DEPTOR: variants seen among roughly 807,000 people sequenced by gnomAD.
DEPTOR encodes DEP domain containing MTOR interacting protein.
A neutral mutation model predicts 41.6 loss-of-function variants in DEPTOR; 41 were observed. That is an observed-to-expected ratio of 0.98 (90% CI 0.77 to 1.28). DEPTOR has a LOEUF of 1.28. DEPTOR is among the 50% of genes most tolerant of loss of function. DEPTOR has a pLI of 0.00. For missense variants in DEPTOR, 514 were observed against 527.9 expected, an observed-to-expected ratio of 0.97 and a Z score of 0.26; for synonymous variants, 195 against 192.3, an observed-to-expected ratio of 1.01 and a Z score of -0.12.
In DEPTOR at chr8:119,880,762, A is replaced by G. The variant is rs149656935; in HGVS notation, c.122+6794A>G. On this transcript the variant is annotated intron_variant, in intron 1 of 8. Transcript: ENST00000286234. Reference sequence around the variant, plus strand: ...TGAATTTGGACTCCACTGATTCAGAATTTGTAACCATTTTAATGGGAAGAT... The same window carrying G: ...TGAATTTGGACTCCACTGATTCAGAGTTTGTAACCATTTTAATGGGAAGAT... Among the ~76,000 whole-genome samples, 3 of 152,356 alleles carry G rather than the reference A, an allele frequency of 2.0e-5. No homozygotes were observed. The East Asian group carries it at 5.8e-4, about 29-fold the overall frequency.
At chr8:119,878,423 G>T (rs186804290) in intron 1 of DEPTOR, among the ~76,000 whole-genome samples, 3 of 151,658 alleles carry the variant, frequency 2.0e-5, no homozygotes, top group African/African-American at 7.3e-5. Context: ...AGGTTCAAGC[G>T]ATTCTCCTGC....
Position 119,980,498 on chromosome 8 carries a change from CT to C in DEPTOR, c.604+15092del, listed in dbSNP as rs1159631376. On this transcript the variant is annotated intron_variant, in intron 4 of 8. Transcript: ENST00000286234. ...CTTTTCTTTTCTTTTCTTTTCTTTT[CT>C]TTTCTTTTCTTTTCTCTCTTTGTGT... Among the ~76,000 whole-genome samples the C allele has an allele frequency of 9.3e-5, 12 of 128,662 alleles. No individual in the cohort carries two copies. In the South Asian group the frequency reaches 2.3e-3, roughly 24 times the overall value. The allele number at this position is 128,662 out of a possible 152,430, so 84.4% of individuals were successfully genotyped here. A position where few individuals can be genotyped will look rare whatever the true frequency, so the allele number is the denominator to read the frequency against.
At chr8:119,970,622 A>G (rs942694474) in intron 4 of DEPTOR, among the ~76,000 whole-genome samples, 4 of 152,222 alleles carry the variant, frequency 2.6e-5, no homozygotes, top group Non-Finnish European at 5.9e-5. Flanking sequence ...TTAGAGTTAC[A>G]TAATAGACCT....
intron 1 of DEPTOR, among the ~76,000 whole-genome samples, chr8:119,904,794 C>T (rs549389556): frequency 2.0e-5 from 3 of 151,606 alleles, no homozygotes; most frequent in East Asian, 2.0e-4. Context: ...TTTTGCACCC[C>T]GCCTTTATTT....
intron 1 of DEPTOR, among the ~76,000 whole-genome samples, chr8:119,875,515 A>C (rs1206294062): frequency 1.3e-5 from 2 of 152,216 alleles, no homozygotes; most frequent in Non-Finnish European, 1.5e-5. Flanking sequence ...GTAGAAGGTC[A>C]TCAATATATT....
intron 1 of DEPTOR, among the ~76,000 whole-genome samples, chr8:119,912,839 G>C (rs1437308198): frequency 6.6e-6 from 1 of 152,216 alleles, no homozygotes; most frequent in Non-Finnish European, 1.5e-5. Context: ...TTTTGATCTT[G>C]TGTGTGAGGA....
chr8:120,047,273 C>T (rs113977269), intron 8 of DEPTOR, among the ~76,000 whole-genome samples: 57,481 of 151,948 alleles, frequency 0.38, 11,288 homozygotes, highest in African/African-American at 0.41. Context: ...CTGCCCGCTT[C>T]GGCCTCCCAA....
chr8:119,907,823 T>C (rs530836310), intron 1 of DEPTOR, among the ~76,000 whole-genome samples: 1 of 152,158 alleles, frequency 6.6e-6, no homozygotes, highest in South Asian at 2.1e-4. Context: ...CATGAATCAA[T>C]GGAGGGCAAT....
chr8:120,008,972 A>T (rs1812489961), intron 7 of DEPTOR, 57 bp from the exon 8 acceptor site: 1 of 1,557,038 alleles, frequency 6.4e-7, no homozygotes, highest in African/African-American at 1.3e-5. Context: ...CCCTCAGAAG[A>T]ATAAGCAAAT....
intron 1 of DEPTOR, 41 bp downstream of exon 1, chr8:119,874,009 G>A: frequency 6.2e-7 from 1 of 1,610,954 alleles, no homozygotes; most frequent in Non-Finnish European, 8.5e-7. Context: ...CGATGGCACT[G>A]CCAACGCGTG....
rs999602227 is a variant in DEPTOR at position 119,985,826 on chromosome 8, CTTTTTTTTTTTTTTTTTTTT to C, written c.605-15681_605-15662del. Among the ~76,000 whole-genome samples, 319 of 41,636 alleles carry C rather than the reference CTTTTTTTTTTTTTTTTTTTT, an allele frequency of 7.7e-3. 2 individuals are homozygous for C. Among genetic ancestry groups the C allele is most frequent in the African/African-American group, 0.032 (285 of 9,008 alleles). 27.3% of individuals were successfully genotyped at this position (41,636 alleles called of 152,430 possible). On this transcript the variant is annotated intron_variant, in intron 4 of 8. Transcript: ENST00000286234. ...AGAGACTAGGATTGCAACCCCTGCT[CTTTTTTTTTTTTTTTTTTTT>C]TTTTTTTTTTTTTTTTTGCTTTCCA... is the stretch of plus-strand genomic sequence containing the variant.
chr8:119,958,183 G>T (rs1828443555), intron 3 of DEPTOR, among the ~76,000 whole-genome samples: 1 of 152,188 alleles, frequency 6.6e-6, no homozygotes, highest in Admixed American at 6.5e-5. Flanking sequence ...TTGGTTTCAT[G>T]TGGGCACATT....
intron 1 of DEPTOR, among the ~76,000 whole-genome samples, chr8:119,918,921 C>T (rs1253950910): frequency 1.4e-5 from 2 of 143,108 alleles, no homozygotes; most frequent in East Asian, 3.9e-4. Flanking sequence ...GTGGTTACTG[C>T]AGCTATTTGC....
chr8:119,978,041 A>T (rs1480434048), intron 4 of DEPTOR, among the ~76,000 whole-genome samples: 4 of 152,254 alleles, frequency 2.6e-5, no homozygotes, highest in African/African-American at 9.6e-5. Context: ...TCCATTGTAT[A>T]TAAACTGCTT....
At chr8:119,939,076 A>G (rs1432187309) in intron 3 of DEPTOR, among the ~76,000 whole-genome samples, 1 of 152,148 alleles carries the variant, frequency 6.6e-6, no homozygotes, top group Admixed American at 6.6e-5. Flanking sequence ...TGGGGACTGA[A>G]GAGACTACAT....
At chr8:119,951,201 T>TC (rs1195137360) in intron 3 of DEPTOR, among the ~76,000 whole-genome samples, 3 of 152,238 alleles carry the variant, frequency 2.0e-5, no homozygotes, top group Non-Finnish European at 4.4e-5. Context: ...TATCAATTTC[T>TC]TCTATTTTCT....
chr8:120,032,211 CTTTTTTTT>C (rs60003356), intron 8 of DEPTOR, among the ~76,000 whole-genome samples: 6 of 120,904 alleles, frequency 5.0e-5, no homozygotes, highest in Admixed American at 8.7e-5. Flanking sequence ...CACTAACTTT[CTTTTTTTT>C]TTTTTTTTTT....
intron 8 of DEPTOR, among the ~76,000 whole-genome samples, chr8:120,011,398 C>A (rs924244229): frequency 6.6e-6 from 1 of 152,198 alleles, no homozygotes; most frequent in Non-Finnish European, 1.5e-5. Context: ...ACCAAAGCAA[C>A]TCAGAGTAGG....
intron 3 of DEPTOR, among the ~76,000 whole-genome samples, chr8:119,947,099 GGTAA>G (rs1322823877): frequency 1.3e-5 from 2 of 152,168 alleles, no homozygotes; most frequent in Non-Finnish European, 2.9e-5. Flanking sequence ...ATTCTGTTAA[GGTAA>G]GTATTATTGT....
Sources: allele counts gnomAD v4.1 joint callset (sites outside exome capture counted in the v4.1 genomes callset), GRCh38; gene constraint gnomAD v4.1.1; transcripts MANE v1.5; gene names NCBI Gene and HGNC (gene_info 2026-07-23, HGNC 2026-07-21).